DCLK1: variants seen among roughly 807,000 people sequenced by gnomAD.
DCLK1 encodes the protein doublecortin like kinase 1.
In DCLK1, 16 loss-of-function variants were observed where a neutral mutation model predicts 86.2. The observed-to-expected ratio is 0.19, with a 90% CI of 0.13 to 0.28. DCLK1 has a LOEUF of 0.28. Among genes scored for constraint, DCLK1 ranks in the 10% least tolerant of loss-of-function variants. The pLI is 1.00. For missense variants in DCLK1, 590 were observed against 940.2 expected, an observed-to-expected ratio of 0.63 and a Z score of 4.87; for synonymous variants, 369 against 370.5, an observed-to-expected ratio of 1.00 and a Z score of 0.05.
intron 1 of DCLK1, among the ~76,000 whole-genome samples, chr13:36,130,120 AC>A (rs1159414019): frequency 4.6e-5 from 7 of 152,084 alleles, no homozygotes; most frequent in Non-Finnish European, 7.4e-5. Context: ...CGTAGACATC[AC>A]AGGGTGTGTG....
chr13:35,889,227 T>C (rs557391292), intron 4 of DCLK1, among the ~76,000 whole-genome samples: 1 of 152,208 alleles, frequency 6.6e-6, no homozygotes, highest in South Asian at 2.1e-4. Context: ...GAGAAAATCA[T>C]GTTCATACAC....
chr13:36,065,420 C>A (rs1328247461), intron 3 of DCLK1, among the ~76,000 whole-genome samples: 1 of 152,162 alleles, frequency 6.6e-6, no homozygotes, highest in African/African-American at 2.4e-5. Context: ...AATAATTCAG[C>A]AAGACAACTC....
intron 4 of DCLK1, among the ~76,000 whole-genome samples, chr13:35,891,885 T>G (rs1179333099): frequency 2.0e-5 from 3 of 152,194 alleles, no homozygotes; most frequent in Non-Finnish European, 4.4e-5. Context: ...AGGGTAGAGA[T>G]CAGGGCAGAT....
At chr13:35,871,942 A>G (rs749479333) in intron 4 of DCLK1, among the ~76,000 whole-genome samples, 1 of 152,260 alleles carries the variant, frequency 6.6e-6, no homozygotes, top group Admixed American at 6.5e-5. Context: ...AAGCTGCCAC[A>G]GATTTTATAC....
At chr13:35,781,491 C>G (rs1274976919) in intron 16 of DCLK1, among the ~76,000 whole-genome samples, 1 of 152,142 alleles carries the variant, frequency 6.6e-6, no homozygotes, top group African/African-American at 2.4e-5. Context: ...GTCTATGGAC[C>G]AAACATGTTT....
At chr13:36,029,406 C>T (rs926517386) in intron 3 of DCLK1, among the ~76,000 whole-genome samples, 1 of 152,178 alleles carries the variant, frequency 6.6e-6, no homozygotes, top group Non-Finnish European at 1.5e-5. Context: ...GTCTTATTTT[C>T]CTTATTGCAT....
At chr13:35,808,616 T>G (rs2087079167) in intron 13 of DCLK1, among the ~76,000 whole-genome samples, 1 of 152,012 alleles carries the variant, frequency 6.6e-6, no homozygotes, top group African/African-American at 2.4e-5. Flanking sequence ...AACCCCCATC[T>G]CTACTAAAAA....
At chr13:35,869,294 G>T (rs187728469) in intron 5 of DCLK1, among the ~76,000 whole-genome samples, 1 of 152,204 alleles carries the variant, frequency 6.6e-6, no homozygotes, top group East Asian at 1.9e-4. Context: ...TGAAGGGAGA[G>T]ACTTTCCCTG....
rs748407118 is a variant in DCLK1 at position 35,828,337 on chromosome 13, TG to T, written c.1230-31del. 16 of 1,577,160 alleles carry T rather than the reference TG, an allele frequency of 1.0e-5. No homozygotes were observed. The East Asian group carries it at 3.4e-4, about 33-fold the overall frequency. The stretch of plus-strand genomic sequence containing the variant: ...GAAGAGAAAGTTCATGTTTTTAAAA[TG>T]AAACTTAACTTCAAATCTATTGAAT... On this transcript the variant is annotated intron_variant, in intron 8 of 16. Transcript: ENST00000360631.
intron 3 of DCLK1, among the ~76,000 whole-genome samples, chr13:36,051,983 T>C (rs1301895952): frequency 6.6e-6 from 1 of 152,148 alleles, no homozygotes; most frequent in African/African-American, 2.4e-5. Flanking sequence ...AATTACCTTC[T>C]TAGAATTAAA....
chr13:35,808,308 G>T lies in DCLK1; in HGVS notation c.1779C>A (p.Asp593Glu), dbSNP rs1344575823. 6.2e-7 allele frequency: 1 copy of T among 1,613,984 alleles called. No homozygotes were observed. The highest frequency in any genetic ancestry group is 2.2e-5 in the East Asian group (1 of 44,872). Reference sequence around the variant, plus strand: ...AAATCTGATCAAAAAGCACCTCCTGGTCATCACCACTTCTGTTTAGGTGAA... The same window carrying T: ...AAATCTGATCAAAAAGCACCTCCTGTTCATCACCACTTCTGTTTAGGTGAA... ...GFPPFRGSGD[D>E]QEVLFDQILM... is the part of the protein sequence containing the mutation. Residue 593 changes from aspartate to glutamate, a missense_variant, in exon 14 of 17, where the codon GAC becomes GAA. Asp to Glu is a conservative substitution (Grantham distance 45). Coordinates refer to ENST00000360631, the MANE Select transcript of DCLK1 (RefSeq NM_001330071.2).
intron 3 of DCLK1, among the ~76,000 whole-genome samples, chr13:35,988,946 A>T (rs1032666467): frequency 1.3e-5 from 2 of 152,140 alleles, no homozygotes; most frequent in African/African-American, 4.8e-5. Flanking sequence ...GCCATGAAGG[A>T]CGCAAACTCC....
chr13:35,941,623 G>A (rs1430465441), intron 4 of DCLK1, among the ~76,000 whole-genome samples: 1 of 152,022 alleles, frequency 6.6e-6, no homozygotes, highest in Admixed American at 6.5e-5. Context: ...ACACGCACAC[G>A]CACGCTGCGT....
chr13:35,892,143 T>C (rs1003998238), intron 4 of DCLK1, among the ~76,000 whole-genome samples: 7 of 152,170 alleles, frequency 4.6e-5, no homozygotes, highest in Non-Finnish European at 1.0e-4. Context: ...CACCGTGTTA[T>C]GCAATCACTA....
chr13:35,785,660 C>A (rs781480547), intron 16 of DCLK1, among the ~76,000 whole-genome samples: 2 of 152,112 alleles, frequency 1.3e-5, no homozygotes, highest in Non-Finnish European at 1.5e-5. Flanking sequence ...AGCCTGTGCC[C>A]TCATGTGATC....
chr13:36,077,892 A>G (rs1054830509), intron 3 of DCLK1, among the ~76,000 whole-genome samples: 14 of 152,228 alleles, frequency 9.2e-5, no homozygotes, highest in Non-Finnish European at 1.6e-4. Context: ...GAACATTAAT[A>G]TGACTTTGTG....
chr13:35,867,501 T>G (rs1189554673), intron 5 of DCLK1, among the ~76,000 whole-genome samples: 1 of 152,128 alleles, frequency 6.6e-6, no homozygotes, highest in African/African-American at 2.4e-5. Context: ...TGAAAAGGAC[T>G]TCAAGGAAAA....
chr13:35,999,203 C>T (rs562218154), intron 3 of DCLK1, among the ~76,000 whole-genome samples: 4 of 151,896 alleles, frequency 2.6e-5, no homozygotes, highest in Admixed American at 1.3e-4. Flanking sequence ...TGCAGTGAGC[C>T]GAGATCATGC....
chr13:36,014,693 A>G (rs939412164), intron 3 of DCLK1, among the ~76,000 whole-genome samples: 1 of 152,234 alleles, frequency 6.6e-6, no homozygotes, highest in Non-Finnish European at 1.5e-5. Flanking sequence ...TCTAGTCTGT[A>G]AAAAAATTAG....
Sources: gnomAD v4.1 joint callset for allele counts (sites outside exome capture counted in the v4.1 genomes callset) on GRCh38, gnomAD v4.1.1 for gene constraint, MANE v1.5 for transcripts, NCBI Gene and HGNC (gene_info 2026-07-23, HGNC 2026-07-21) for gene names.